The following NRG1 variants were observed in gnomAD, a reference collection of about 807,000 sequenced individuals.
NRG1 encodes the protein neuregulin 1, also known as pro-neuregulin-1, membrane-bound isoform.
NRG1 carries 18 observed loss-of-function variants against 63.8 expected under a neutral mutation model. That is an observed-to-expected ratio of 0.28 (90% CI 0.19 to 0.42). The LOEUF (loss-of-function observed/expected upper bound fraction) is 0.42. NRG1 is among the 10% of genes least tolerant of loss of function. The pLI is 1.00. For synonymous variants in NRG1, 302 were observed against 301.3 expected, an observed-to-expected ratio of 1.00 and a Z score of -0.02; for missense variants, 762 against 814.7, an observed-to-expected ratio of 0.94 and a Z score of 0.79.
At chr8:32,675,104 T>C (rs1488570226) in intron 5 of NRG1, among the ~76,000 whole-genome samples, 3 of 152,188 alleles carry the variant, frequency 2.0e-5, no homozygotes, top group Non-Finnish European at 4.4e-5. Context: ...TTGGACACTG[T>C]ACAAATTCAT....
chr8:32,124,016 A>G (rs951105634), intron 1 of NRG1, among the ~76,000 whole-genome samples: 6 of 151,966 alleles, frequency 3.9e-5, no homozygotes, highest in South Asian at 2.1e-4. Context: ...TTATTTATGA[A>G]GAGAAGTTGT....
intron 1 of NRG1, among the ~76,000 whole-genome samples, chr8:31,992,076 T>C (rs1308089914): frequency 6.6e-6 from 1 of 151,928 alleles, no homozygotes; most frequent in Non-Finnish European, 1.5e-5. Context: ...GGCTCATACC[T>C]GTAATCCAAG....
chr8:32,341,632 G>A (rs893628737), intron 1 of NRG1, among the ~76,000 whole-genome samples: 4 of 152,162 alleles, frequency 2.6e-5, no homozygotes, highest in Non-Finnish European at 5.9e-5. Context: ...ACAGGCAGGG[G>A]AGCTGGCTGA....
At chr8:31,808,513 C>T (rs534125126) in intron 1 of NRG1, among the ~76,000 whole-genome samples, 30 of 152,008 alleles carry the variant, frequency 2.0e-4, no homozygotes, top group African/African-American at 7.0e-4. Flanking sequence ...ATCTTTTCTC[C>T]ATTTCTTCTG....
intron 1 of NRG1, among the ~76,000 whole-genome samples, chr8:32,391,933 AT>A (rs1413571062): frequency 6.6e-6 from 1 of 152,194 alleles, no homozygotes; most frequent in Admixed American, 6.5e-5. Context: ...TGTGAACAGA[AT>A]TTGTGGATGT....
chr8:32,762,413 A>T (rs1002225843), intron 11 of NRG1, among the ~76,000 whole-genome samples: 1 of 152,148 alleles, frequency 6.6e-6, no homozygotes, highest in African/African-American at 2.4e-5. Flanking sequence ...GAACCTAGAG[A>T]TTATGGAGAG....
intron 1 of NRG1, among the ~76,000 whole-genome samples, chr8:32,059,649 T>C (rs991794964): frequency 1.1e-4 from 16 of 152,044 alleles, no homozygotes; most frequent in African/African-American, 3.9e-4. Flanking sequence ...GTACTAGTTT[T>C]ATTCCTCCTG....
At chr8:31,951,121 G>A (rs1306697932) in intron 1 of NRG1, among the ~76,000 whole-genome samples, 3 of 152,208 alleles carry the variant, frequency 2.0e-5, no homozygotes, top group African/African-American at 4.8e-5. Context: ...CATTGGGAAA[G>A]TTGGGAAAAT....
chr8:32,187,192 A>T (rs79823809), intron 1 of NRG1, among the ~76,000 whole-genome samples: 1 of 152,174 alleles, frequency 6.6e-6, no homozygotes, highest in Non-Finnish European at 1.5e-5. Context: ...TGTGAATACC[A>T]TCATGCTCTT....
intron 1 of NRG1, among the ~76,000 whole-genome samples, chr8:32,251,887 T>C (rs1357519532): frequency 2.0e-5 from 2 of 98,010 alleles, no homozygotes; most frequent in African/African-American, 4.5e-5. Context: ...ATTTCTCTAA[T>C]GTTAGCTGCA....
At chr8:31,814,764 A>G (rs1823272569) in intron 1 of NRG1, among the ~76,000 whole-genome samples, 1 of 151,826 alleles carries the variant, frequency 6.6e-6, no homozygotes, top group Admixed American at 6.6e-5. Context: ...TTTCCATTTA[A>G]TGTTTTCATT....
At chr8:32,414,930 TAC>T (rs1349419485) in intron 1 of NRG1, among the ~76,000 whole-genome samples, 2 of 152,144 alleles carry the variant, frequency 1.3e-5, no homozygotes, top group African/African-American at 4.8e-5. Flanking sequence ...CTTAGTAGTG[TAC>T]AGTGCGAAAA....
chr8:32,119,904 C>T (rs1833214317), intron 1 of NRG1, among the ~76,000 whole-genome samples: 1 of 152,068 alleles, frequency 6.6e-6, no homozygotes, highest in South Asian at 2.1e-4. Context: ...TAGCAGTTAG[C>T]TTCCTCTAAA....
At chr8:32,712,816 T>C (rs1818159722) in intron 5 of NRG1, among the ~76,000 whole-genome samples, 1 of 152,180 alleles carries the variant, frequency 6.6e-6, no homozygotes, top group Non-Finnish European at 1.5e-5. Flanking sequence ...CCTCCGCTTC[T>C]AGTGGTTCTC....
chr8:32,392,847 C>G (rs1307129153), intron 1 of NRG1, among the ~76,000 whole-genome samples: 2 of 152,142 alleles, frequency 1.3e-5, no homozygotes, highest in Non-Finnish European at 2.9e-5. Context: ...ACCAGTCAGT[C>G]AGCAAGTACA....
chr8:32,345,911 G>T (rs1804826852), intron 1 of NRG1, among the ~76,000 whole-genome samples: 1 of 151,846 alleles, frequency 6.6e-6, no homozygotes. Flanking sequence ...GAGAGGCTGA[G>T]GCAGGAGAAT....
At chr8:31,739,696 T>C (rs144331810) in intron 1 of NRG1, among the ~76,000 whole-genome samples, 10 of 152,118 alleles carry the variant, frequency 6.6e-5, no homozygotes, top group Non-Finnish European at 1.3e-4. Context: ...AATGTTAATA[T>C]TGTGTACTGC....
intron 1 of NRG1, among the ~76,000 whole-genome samples, chr8:31,897,421 T>G (rs1374227956): frequency 6.6e-6 from 1 of 152,206 alleles, no homozygotes; most frequent in East Asian, 1.9e-4. Context: ...CAAAGTATTT[T>G]ATCTCAAATT....
chr8:32,400,922 A>G (rs1354421021), intron 1 of NRG1, among the ~76,000 whole-genome samples: 2 of 152,250 alleles, frequency 1.3e-5, no homozygotes, highest in African/African-American at 4.8e-5. Flanking sequence ...TTGAATAAAG[A>G]AAATGTGGTA....
Sources: allele counts gnomAD v4.1 joint callset (sites outside exome capture counted in the v4.1 genomes callset), GRCh38; gene constraint gnomAD v4.1.1; transcripts MANE v1.5; gene names NCBI Gene and HGNC (gene_info 2026-07-23, HGNC 2026-07-21).